The following HDAC4 variants were observed in gnomAD, a reference collection of about 807,000 sequenced individuals.
HDAC4 encodes the protein histone deacetylase 4, also known as histone deacetylase A.
Under a neutral mutation model 135.1 loss-of-function variants are expected in HDAC4, and 16 were observed. That is an observed-to-expected ratio of 0.12 (90% CI 0.08 to 0.18). The LOEUF (loss-of-function observed/expected upper bound fraction) is 0.18, where lower values mean the gene tolerates loss of function less well. Ranked by LOEUF, HDAC4 falls within the 10% of genes least tolerant of loss-of-function variation. The pLI, the probability that HDAC4 is intolerant of heterozygous loss-of-function variation, is 1.00. For missense variants in HDAC4, 1,143 were observed against 1,511.8 expected (o/e 0.76, Z 4.05); for synonymous variants, 685 against 653.4 (o/e 1.05, Z -0.74).
chr2:239,085,714 T>C (rs951393574), intron 19 of HDAC4: 1 of 152,266 alleles, frequency 6.6e-6, no homozygotes, highest in Non-Finnish European at 1.5e-5. Context: ...CTCCTCCCTG[T>C]ACACGAAGGA....
intron 4 of HDAC4, among the ~76,000 whole-genome samples, chr2:239,185,056 C>A (rs1575333373): frequency 9.4e-6 from 1 of 106,282 alleles, no homozygotes; most frequent in African/African-American, 3.1e-5. Flanking sequence ...TCAGTGCCTG[C>A]CCTGGAGGCT....
In HDAC4 at chr2:239,359,536, G is replaced by A. The variant is rs956891149; in HGVS notation, c.-219-6618C>T. Among the ~76,000 whole-genome samples the A allele has an allele frequency of 2.0e-5, 3 of 152,248 alleles. No individual in the cohort carries two copies. In the South Asian group the frequency reaches 6.2e-4, roughly 31 times the overall value. On this transcript the variant is annotated intron_variant, in intron 1 of 26. Transcript: ENST00000543185. ...TGGGGTCGGGTCTAGGATAGGCCGA[G>A]ATGACAGAAGCAGCTTGGGTGGGGA...
At chr2:239,084,406 C>T (rs1331590659) in intron 19 of HDAC4, among the ~76,000 whole-genome samples, 164 bp from the exon 20 acceptor site, 1 of 151,976 alleles carries the variant, frequency 6.6e-6, no homozygotes, top group South Asian at 2.1e-4. Flanking sequence ...GCCGGAGAAT[C>T]GGTTAACAGA....
At chr2:239,383,206 C>T (rs1695542404) in intron 1 of HDAC4, among the ~76,000 whole-genome samples, 1 of 152,178 alleles carries the variant, frequency 6.6e-6, no homozygotes, top group Non-Finnish European at 1.5e-5. Flanking sequence ...GTGGCCACCC[C>T]TGACCCTGGC....
intron 16 of HDAC4, among the ~76,000 whole-genome samples, chr2:239,099,460 C>A (rs2037415419): frequency 6.6e-6 from 1 of 152,244 alleles, no homozygotes; most frequent in East Asian, 1.9e-4. Context: ...TCATGGGGCC[C>A]ACAGGCAGCC....
At chr2:239,346,182 A>T (rs1205789004) in intron 2 of HDAC4, among the ~76,000 whole-genome samples, 1 of 138,530 alleles carries the variant, frequency 7.2e-6, no homozygotes, top group Non-Finnish European at 1.6e-5. Flanking sequence ...AAACACACAC[A>T]CCCTGTCTAA....
chr2:239,154,050 G>A (rs965511061), intron 7 of HDAC4, among the ~76,000 whole-genome samples: 1 of 152,188 alleles, frequency 6.6e-6, no homozygotes, highest in Non-Finnish European at 1.5e-5. Context: ...AGGAGCCAGT[G>A]CAAATAGCTC....
At position 239,331,074 on chromosome 2, in the gene HDAC4, A is replaced by G. The variant is rs1472566582; in HGVS notation, c.22+21604T>C. Among the ~76,000 whole-genome samples the G allele has an allele frequency of 1.3e-5, 2 of 152,236 alleles. No individual in the cohort carries two copies. Among genetic ancestry groups the G allele is most frequent in the Non-Finnish European group, 2.9e-5 (2 of 68,048 alleles). The stretch of plus-strand genomic sequence containing the variant: ...TGGGGAGGAAGGCAGATATGCCTGA[A>G]TACAGCCCAGAGGACATACTGAGAG... On this transcript the variant is annotated intron_variant, in intron 2 of 26. Transcript: ENST00000543185. This position sits in a 1 kb window ranked among gnomAD's most constrained non-coding sequence, Gnocchi z 4.5.
chr2:239,317,368 G>A (rs1244191375), intron 2 of HDAC4, among the ~76,000 whole-genome samples: 1 of 152,108 alleles, frequency 6.6e-6, no homozygotes, highest in Non-Finnish European at 1.5e-5. Context: ...AGCTCTGGCG[G>A]CCGAGAGCTG....
At chr2:239,268,504 A>T (rs556678069) in intron 2 of HDAC4, among the ~76,000 whole-genome samples, 1 of 152,378 alleles carries the variant, frequency 6.6e-6, no homozygotes, top group African/African-American at 2.4e-5. Context: ...CTTACCACAA[A>T]AAGGAATCAA....
intron 13 of HDAC4, among the ~76,000 whole-genome samples, chr2:239,111,992 C>T (rs968959753): frequency 2.0e-5 from 3 of 152,162 alleles, no homozygotes; most frequent in Non-Finnish European, 2.9e-5. Context: ...CCATGGGTTA[C>T]GTTAACAGGA....
intron 7 of HDAC4, among the ~76,000 whole-genome samples, chr2:239,154,465 T>C (rs2042300324): frequency 6.6e-6 from 1 of 152,004 alleles, no homozygotes; most frequent in African/African-American, 2.4e-5. Flanking sequence ...TGAGCACACA[T>C]CCAACCCACA....
rs1188964510 is a variant in HDAC4, at chr2:239,400,434, C to T, written c.-220+544G>A. ...ACGGCGCCGCTGCCTGCCGTGCCCA[C>T]CCCCGCGCCCCCGCCCCGGCGGGCG... On this transcript the variant is annotated intron_variant, in intron 1 of 26. Transcript: ENST00000543185. This position sits in a 1 kb window ranked among gnomAD's most constrained non-coding sequence, Gnocchi z 4.7. The T allele has an allele frequency of 6.8e-6, 1 of 146,460 alleles. No individual in the cohort carries two copies. Among genetic ancestry groups the T allele is most frequent in the Non-Finnish European group, 1.5e-5 (1 of 65,808 alleles). The allele number at this position is 146,460 out of a possible 1,614,324, so 9.1% of individuals were successfully genotyped here. A position where few individuals can be genotyped will look rare whatever the true frequency, so the allele number is the denominator to read the frequency against.
intron 2 of HDAC4, among the ~76,000 whole-genome samples, chr2:239,248,006 A>C (rs184291668): frequency 4.2e-4 from 64 of 152,250 alleles, no homozygotes; most frequent in African/African-American, 1.4e-3. Context: ...TGAGATGGGG[A>C]GAGAGTGAGG....
chr2:239,089,413 C>T (rs1459887390), intron 18 of HDAC4, among the ~76,000 whole-genome samples: 1 of 152,186 alleles, frequency 6.6e-6, no homozygotes, highest in African/African-American at 2.4e-5. Context: ...CCGCAACCTC[C>T]ACCTCCCAGG....
At chr2:239,368,936 G>A (rs1160313462) in intron 1 of HDAC4, among the ~76,000 whole-genome samples, 1 of 152,134 alleles carries the variant, frequency 6.6e-6, no homozygotes, top group African/African-American at 2.4e-5. Context: ...CCTGGTACCT[G>A]CTGCTGTGAT....
At chr2:239,064,939 G>C (rs544248588) in intron 24 of HDAC4, among the ~76,000 whole-genome samples, 4 of 152,224 alleles carry the variant, frequency 2.6e-5, no homozygotes, top group Non-Finnish European at 5.9e-5. Context: ...GCATTTTCCA[G>C]AACAATGCGA....
chr2:239,215,017 A>G (rs1399346434), intron 3 of HDAC4, among the ~76,000 whole-genome samples: 1 of 152,222 alleles, frequency 6.6e-6, no homozygotes, highest in Admixed American at 6.5e-5. Flanking sequence ...AGCAGGCTCT[A>G]GGATCTGGAA....
At chr2:239,380,451 T>A (rs1291965006) in intron 1 of HDAC4, among the ~76,000 whole-genome samples, 5 of 152,212 alleles carry the variant, frequency 3.3e-5, no homozygotes, top group Non-Finnish European at 7.3e-5. Context: ...TTTTTTCCCA[T>A]CTTTCTCTCT....
Sources: allele counts gnomAD v4.1 joint callset (sites outside exome capture counted in the v4.1 genomes callset), GRCh38; gene constraint gnomAD v4.1.1; non-coding constraint Gnocchi (gnomAD v3.1); transcripts MANE v1.5; gene names NCBI Gene and HGNC (gene_info 2026-07-23, HGNC 2026-07-21).